The following EYS variants were observed in gnomAD, a reference collection of about 807,000 sequenced individuals.
EYS encodes EGF-like photoreceptor maintenance factor, also known as protein eyes shut homolog.
Under a neutral mutation model 282.1 loss-of-function variants are expected in EYS, and 250 were observed. That is an observed-to-expected ratio of 0.89 (90% CI 0.80 to 0.98). EYS has a LOEUF of 0.98. EYS is among the 50% of genes least tolerant of loss of function. EYS has a pLI of 0.00. For synonymous variants in EYS, 1,355 were observed against 1,282.9 expected (o/e 1.06, Z -1.20); for missense variants, 4,016 against 3,709.0 (o/e 1.08, Z -2.15).
intron 37 of EYS, among the ~76,000 whole-genome samples, chr6:63,792,269 G>C (rs1201658764): frequency 6.6e-6 from 1 of 151,866 alleles, no homozygotes; most frequent in African/African-American, 2.4e-5. Flanking sequence ...CCCATGCCAT[G>C]AGTCCATCAG....
At chr6:64,453,934 C>G (rs1458126095) in intron 26 of EYS, among the ~76,000 whole-genome samples, 1 of 152,032 alleles carries the variant, frequency 6.6e-6, no homozygotes, top group East Asian at 1.9e-4. Context: ...GTGCAGCACA[C>G]CAACTTGGCA....
At chr6:64,281,827 G>C (rs1422362043) in intron 30 of EYS, among the ~76,000 whole-genome samples, 2 of 152,110 alleles carry the variant, frequency 1.3e-5, no homozygotes, top group Non-Finnish European at 2.9e-5. Flanking sequence ...ATTAATAGAA[G>C]AAGGAAGAGA....
At chr6:63,858,515 C>G (rs962446628) in intron 36 of EYS, among the ~76,000 whole-genome samples, 5 of 152,098 alleles carry the variant, frequency 3.3e-5, no homozygotes, top group African/African-American at 1.2e-4. Flanking sequence ...TTTCCCTGAG[C>G]AAGAGGAAAG....
At chr6:64,454,579 G>C (rs1050619424) in intron 26 of EYS, among the ~76,000 whole-genome samples, 1 of 151,902 alleles carries the variant, frequency 6.6e-6, no homozygotes, top group Non-Finnish European at 1.5e-5. Context: ...CCAATTGGTG[G>C]GTTCTGTATC....
chr6:63,912,238 T>G (rs1764272095), intron 35 of EYS, among the ~76,000 whole-genome samples: 1 of 152,198 alleles, frequency 6.6e-6, no homozygotes, highest in Admixed American at 6.5e-5. Context: ...AGTCTCTCCA[T>G]GTTGCTAGGA....
chr6:65,367,415 TA>T (rs970614581), intron 8 of EYS, among the ~76,000 whole-genome samples: 1 of 151,708 alleles, frequency 6.6e-6, no homozygotes, highest in African/African-American at 2.4e-5. Context: ...TAAAACTTGT[TA>T]AAAAAAGTTT....
chr6:65,430,541 A>G (rs1767845938), intron 5 of EYS, among the ~76,000 whole-genome samples: 1 of 152,154 alleles, frequency 6.6e-6, no homozygotes, highest in South Asian at 2.1e-4. Flanking sequence ...ACTTGTGGGG[A>G]ACGTGACATA....
chr6:65,071,892 A>C (rs1773911926), intron 12 of EYS, among the ~76,000 whole-genome samples: 1 of 151,786 alleles, frequency 6.6e-6, no homozygotes, highest in South Asian at 2.1e-4. Context: ...TACATAGATT[A>C]ATGCCATTAT....
chr6:63,965,291 G>A (rs1456326017), intron 35 of EYS, among the ~76,000 whole-genome samples: 1 of 152,172 alleles, frequency 6.6e-6, no homozygotes, highest in Non-Finnish European at 1.5e-5. Context: ...CAGATATTCT[G>A]TCCTTTCTAA....
chr6:65,556,561 A>G (rs1768811694), intron 2 of EYS, among the ~76,000 whole-genome samples: 1 of 152,188 alleles, frequency 6.6e-6, no homozygotes, highest in African/African-American at 2.4e-5. Context: ...AGGAAGATTG[A>G]GTAACTTGTC....
intron 22 of EYS, among the ~76,000 whole-genome samples, chr6:64,661,225 G>C (rs111628210): frequency 0.6 from 90,798 of 151,906 alleles, 27,334 homozygotes; most frequent in South Asian, 0.66. Flanking sequence ...ACACCTTATA[G>C]GAAAATTAAT....
chr6:64,327,802 A>G (rs1770486923), intron 29 of EYS, among the ~76,000 whole-genome samples: 1 of 152,122 alleles, frequency 6.6e-6, no homozygotes, highest in Admixed American at 6.6e-5. Context: ...CTATGCACCA[A>G]TTTATCCATC....
chr6:64,118,832 T>C (rs150839320), intron 31 of EYS, among the ~76,000 whole-genome samples: 338 of 151,890 alleles, frequency 2.2e-3, no homozygotes, highest in Non-Finnish European at 4.0e-3. Context: ...TCAAAAAAAC[T>C]CAACAGCAAA....
At position 65,234,255 on chromosome 6, in the gene EYS, T is replaced by A. The variant is rs559849341; in HGVS notation, c.2023+61608A>T. ...CATCAGAGCTGGGTGGAGGGAACCA[T>A]TTTTTCTCAAAGTGGTACTCCGGCT... On this transcript the variant is annotated intron_variant, in intron 12 of 42. Coordinates refer to ENST00000503581, the MANE Select transcript of EYS (RefSeq NM_001142800.2). 3.3e-5 allele frequency among the ~76,000 whole-genome samples: 5 copies of A among 152,262 alleles called. No homozygotes were observed. The East Asian group carries it at 9.6e-4, about 29-fold the overall frequency.
At chr6:64,753,181 T>C (rs996633281) in intron 22 of EYS, among the ~76,000 whole-genome samples, 1 of 152,006 alleles carries the variant, frequency 6.6e-6, no homozygotes, top group Non-Finnish European at 1.5e-5. Flanking sequence ...ATAAAATAAG[T>C]ATACAATTGA....
intron 22 of EYS, among the ~76,000 whole-genome samples, chr6:64,677,678 C>T (rs1769742348): frequency 6.6e-6 from 1 of 152,104 alleles, no homozygotes; most frequent in East Asian, 1.9e-4. Context: ...AACATTTCTT[C>T]TAAAAGTTTC....
chr6:65,348,646 C>T (rs1272450433), intron 9 of EYS, among the ~76,000 whole-genome samples: 1 of 151,644 alleles, frequency 6.6e-6, no homozygotes, highest in Non-Finnish European at 1.5e-5. Context: ...AGATAGTTTG[C>T]AAATATGATA....
intron 13 of EYS, among the ~76,000 whole-genome samples, chr6:65,035,084 T>G (rs897535391): frequency 6.6e-5 from 10 of 152,022 alleles, no homozygotes; most frequent in African/African-American, 2.4e-4. Flanking sequence ...ATGGAATTCA[T>G]CACATAAACA....
chr6:65,086,835 T>G (rs1374013485), intron 12 of EYS, among the ~76,000 whole-genome samples: 1 of 151,872 alleles, frequency 6.6e-6, no homozygotes, highest in Non-Finnish European at 1.5e-5. Flanking sequence ...TATGTGGGTT[T>G]TTTTTTTTTA....
Sources: gnomAD v4.1 joint callset for allele counts (sites outside exome capture counted in the v4.1 genomes callset) on GRCh38, gnomAD v4.1.1 for gene constraint, MANE v1.5 for transcripts, NCBI Gene and HGNC (gene_info 2026-07-23, HGNC 2026-07-21) for gene names.